Variants in ALG6 observed in about 807,000 individuals in gnomAD.
The protein encoded by ALG6 is ALG6 alpha-1,3-glucosyltransferase, also known as dolichyl pyrophosphate Man9GlcNAc2 alpha-1,3-glucosyltransferase.
A neutral mutation model predicts 66.6 loss-of-function variants in ALG6; 46 were observed. The ratio of observed to expected loss-of-function variants is 0.69; its 90% confidence interval spans 0.55 to 0.88. The LOEUF is 0.88. Ranked by LOEUF, ALG6 falls within the 40% of genes least tolerant of loss-of-function variation. The probability of loss-of-function intolerance (pLI) is 0.00; values close to 1 mark genes in which losing one functional copy is unlikely to be tolerated. For missense variants in ALG6, 505 were observed against 586.8 expected (o/e 0.86, Z 1.44); for synonymous variants, 185 against 203.7 (o/e 0.91, Z 0.78).
chr1:63,375,672 G>A (rs1357341794), intron 2 of ALG6, among the ~76,000 whole-genome samples: 14 of 152,056 alleles, frequency 9.2e-5, no homozygotes, highest in Admixed American at 7.9e-4. Flanking sequence ...GGAATAGTAT[G>A]TAAGCTTGGA....
At chr1:63,400,937 T>A (rs1644462018) in intron 3 of ALG6, among the ~76,000 whole-genome samples, 1 of 152,230 alleles carries the variant, frequency 6.6e-6, no homozygotes, top group Non-Finnish European at 1.5e-5. Flanking sequence ...GGTGCCTGTC[T>A]TCAGGTATCT....
chr1:63,411,237 G>T lies in ALG6; in HGVS notation c.586G>T (p.Ala196Ser). The change falls in exon 8 of 15, where the codon GCT becomes TCT. Residue 196 changes from alanine to serine, a missense_variant. Physicochemically the swap from Ala to Ser is moderately conservative, Grantham distance 99. Coordinates refer to ENST00000263440, the MANE Select transcript of ALG6 (RefSeq NM_013339.4). Reference sequence around the variant, plus strand: ...CCTAGGGTCACTGGCATTTTGCTTAGCTATAAATTATAAACAGATGGAACT... The same window carrying T: ...CCTAGGGTCACTGGCATTTTGCTTATCTATAAATTATAAACAGATGGAACT... Reference protein sequence around the residue: ...DLLGSLAFCLAINYKQMELYH... With the variant: ...DLLGSLAFCLSINYKQMELYH... 6.2e-7 allele frequency: 1 copy of T among 1,613,904 alleles called. No homozygotes were observed. Among genetic ancestry groups the T allele is most frequent in the Non-Finnish European group, 8.5e-7 (1 of 1,179,910 alleles).
chr1:63,395,443 C>A (rs960702730), intron 2 of ALG6, among the ~76,000 whole-genome samples: 19 of 152,188 alleles, frequency 1.2e-4, no homozygotes, highest in Non-Finnish European at 2.1e-4. Context: ...CGCCTATAAT[C>A]CCAGCACTTT....
At position 63,437,304 on chromosome 1, in the gene ALG6, T is replaced by C. The variant is rs533597904; in HGVS notation, c.*284T>C. 18 of 343,168 alleles carry C rather than the reference T, an allele frequency of 5.2e-5. No individual in the cohort carries two copies. The highest frequency in any genetic ancestry group is 8.8e-5 in the Non-Finnish European group (16 of 182,446). 21.3% of individuals were successfully genotyped at this position (343,168 alleles called of 1,614,324 possible). A position where few individuals can be genotyped will look rare whatever the true frequency, so the allele number is the denominator to read the frequency against. ...AAAGAGAAACATGTCCTTAATCCCA[T>C]TGTTTACTCAGGAAATGCACTTTTT... On this transcript the variant is annotated 3_prime_UTR_variant, in exon 15 of 15. Coordinates refer to ENST00000263440, the MANE Select transcript of ALG6 (RefSeq NM_013339.4).
intron 3 of ALG6, among the ~76,000 whole-genome samples, chr1:63,399,461 T>C (rs971151520): frequency 6.6e-6 from 1 of 152,236 alleles, no homozygotes; most frequent in African/African-American, 2.4e-5. Context: ...CCTTAAAGTC[T>C]GTCTACCACG....
At chr1:63,422,181 T>G (rs1172758331) in intron 12 of ALG6, among the ~76,000 whole-genome samples, 1 of 72,598 alleles carries the variant, frequency 1.4e-5, no homozygotes, top group Non-Finnish European at 2.5e-5. Context: ...GAATTTATAT[T>G]TATATAAATA....
intron 2 of ALG6, among the ~76,000 whole-genome samples, chr1:63,389,225 T>A (rs1648595301): frequency 6.6e-6 from 1 of 152,212 alleles, no homozygotes; most frequent in South Asian, 2.1e-4. Flanking sequence ...ATTTGTCCAT[T>A]TGAGGCTATC....
chr1:63,375,328 T>C (rs1192107256), intron 2 of ALG6, among the ~76,000 whole-genome samples: 1 of 150,508 alleles, frequency 6.6e-6, no homozygotes, highest in Non-Finnish European at 1.5e-5. Flanking sequence ...CACTACAATA[T>C]CCGTTTCCTG....
rs1197212337 is a variant in ALG6, at chr1:63,433,204, G to A, written c.1327-3619G>A. Among the ~76,000 whole-genome samples, 1 of 152,198 alleles carries A rather than the reference G, an allele frequency of 6.6e-6. No homozygotes were observed. Among genetic ancestry groups the A allele is most frequent in the Non-Finnish European group, 1.5e-5 (1 of 68,030 alleles). ...GATCCACCCGCCTCAGCCTCCCAAA[G>A]TGCTGGGATTACAGGCGTGAGCTAC... is the stretch of plus-strand genomic sequence containing the variant. On this transcript the variant is annotated intron_variant, in intron 14 of 14. Transcript: ENST00000263440. This position sits in a 1 kb window ranked among gnomAD's most constrained non-coding sequence, Gnocchi z 4.2.
rs2100404930 is a variant in ALG6 at position 63,396,533 on chromosome 1, T to A, written c.103T>A (p.Phe35Ile). ...CTTAGGTGCTGGTAAACCGCCTATG[T>A]TTGGTGATTATGAAGCTCAGAGACA... is the stretch of plus-strand genomic sequence containing the variant. The part of the protein sequence containing the change: ...SYSGAGKPPM[F>I]GDYEAQRHWQ... The change falls in exon 3 of 15, where the codon TTT (phenylalanine) becomes ATT (isoleucine). Residue 35 changes from phenylalanine to isoleucine, a missense_variant. Transcript: ENST00000263440. 1 of 1,614,122 alleles carries A rather than the reference T, an allele frequency of 6.2e-7. No homozygotes were observed.
intron 11 of ALG6, among the ~76,000 whole-genome samples, chr1:63,417,991 C>T (rs563514897): frequency 1.1e-4 from 16 of 151,872 alleles, no homozygotes; most frequent in Middle Eastern, 6.3e-3. Flanking sequence ...CAAAATTTGC[C>T]AGGCGTCGTG....
chr1:63,390,755 G>A (rs1226113162), intron 2 of ALG6, among the ~76,000 whole-genome samples: 1 of 152,166 alleles, frequency 6.6e-6, no homozygotes, highest in Non-Finnish European at 1.5e-5. Flanking sequence ...TCTGCCCTGT[G>A]TTGCTTTCTG....
At chr1:63,427,996 G>T (rs771932723) in intron 12 of ALG6, among the ~76,000 whole-genome samples, 1 of 151,788 alleles carries the variant, frequency 6.6e-6, no homozygotes, top group Non-Finnish European at 1.5e-5. Context: ...TTTTAGTAGC[G>T]ATGGGGTTTC....
At chr1:63,370,521 T>C (rs1647878404) in intron 1 of ALG6, among the ~76,000 whole-genome samples, 2 of 152,222 alleles carry the variant, frequency 1.3e-5, no homozygotes, top group African/African-American at 4.8e-5. Context: ...TCAGAAATAT[T>C]CCCTTGTGAG....
chr1:63,400,225 A>G lies in ALG6; in HGVS notation c.168-2029A>G, dbSNP rs1249358615. Among the ~76,000 whole-genome samples the G allele has an allele frequency of 6.5e-4, 15 of 22,920 alleles. 5 individuals carry two copies. Among genetic ancestry groups the G allele is most frequent in the African/African-American group, 4.7e-3 (13 of 2,740 alleles). 15.0% of individuals were successfully genotyped at this position (22,920 alleles called of 152,430 possible). ...AAAAAAAATATATATATATATACGTATATATATATATATATATACGTATAT... is the reference window on the plus strand; with the variant it reads ...AAAAAAAATATATATATATATACGTGTATATATATATATATATACGTATAT... On this transcript the variant is annotated intron_variant, in intron 3 of 14. Coordinates refer to ENST00000263440, the MANE Select transcript of ALG6 (RefSeq NM_013339.4).
intron 12 of ALG6, among the ~76,000 whole-genome samples, chr1:63,420,200 G>C (rs11208208): frequency 0.18 from 27,995 of 151,998 alleles, 2,701 homozygotes; most frequent in Middle Eastern, 0.27. Context: ...TGTGTGGAAG[G>C]CTTCTTGGCT....
chr1:63,412,148 G>C, intron 9 of ALG6, 87 bp downstream of exon 9: 1 of 1,563,204 alleles, frequency 6.4e-7, no homozygotes, highest in Non-Finnish European at 8.8e-7. Context: ...CAAGGAATAG[G>C]AACTTCAGCT....
At chr1:63,429,849 TAGTGTG>T (rs1443492013) in intron 14 of ALG6, 1 of 92,638 alleles carries the variant, frequency 1.1e-5, no homozygotes, top group Non-Finnish European at 2.2e-5. Flanking sequence ...TTCTTTCACT[TAGTGTG>T]TGTGTGTGTG....
At chr1:63,388,814 G>A (rs546571054) in intron 2 of ALG6, among the ~76,000 whole-genome samples, 1 of 152,208 alleles carries the variant, frequency 6.6e-6, no homozygotes, top group African/African-American at 2.4e-5. Flanking sequence ...TCTCCTTCAT[G>A]TTTGACAGGT....
Sources: allele counts gnomAD v4.1 joint callset (sites outside exome capture counted in the v4.1 genomes callset), GRCh38; gene constraint gnomAD v4.1.1; non-coding constraint Gnocchi (gnomAD v3.1); transcripts MANE v1.5; gene names NCBI Gene and HGNC (gene_info 2026-07-23, HGNC 2026-07-21).